CMYA5: variants seen among roughly 807,000 people sequenced by gnomAD.
CMYA5 encodes cardiomyopathy associated 5.
Under a neutral mutation model 318.9 loss-of-function variants are expected in CMYA5, and 246 were observed. The ratio of observed to expected loss-of-function variants is 0.77; its 90% CI spans 0.70 to 0.86. The LOEUF (loss-of-function observed/expected upper bound fraction) is 0.86. Ranked by LOEUF, CMYA5 falls within the 40% of genes least tolerant of loss-of-function variation. CMYA5 has a pLI of 0.00. For synonymous variants in CMYA5, 1,641 were observed against 1,729.5 expected, an observed-to-expected ratio of 0.95 and a Z score of 1.27; for missense variants, 4,589 against 4,678.2, an observed-to-expected ratio of 0.98 and a Z score of 0.56.
Position 79,734,024 on chromosome 5 carries a change from G to A in CMYA5, c.5259G>A (p.Glu1753=). 6.2e-7 allele frequency: 1 copy of A among 1,613,768 alleles called. No homozygotes were observed. The highest frequency in any genetic ancestry group is 8.5e-7 in the Non-Finnish European group (1 of 1,179,838). The change falls in exon 2 of 13, where the codon GAG becomes GAA. Residue 1753 remains glutamate (E), a synonymous_variant. Transcript: ENST00000446378. The part of the protein sequence containing the change: ...PFTFSLKGLS[E]EVSHPADFKK... ...CTTTTTCTTTAAAAGGATTATCAGA[G>A]GAGGTTAGCCATCCAGCCGACTTTA...
At chr5:79,776,120 C>T (rs1309065944) in intron 9 of CMYA5, among the ~76,000 whole-genome samples, 1 of 152,098 alleles carries the variant, frequency 6.6e-6, no homozygotes, top group African/African-American at 2.4e-5. Flanking sequence ...TGTTAGTTCA[C>T]ACCTGTAATC....
chr5:79,798,537 A>G (rs1339030597), intron 12 of CMYA5, among the ~76,000 whole-genome samples: 4 of 152,050 alleles, frequency 2.6e-5, no homozygotes, highest in Admixed American at 6.5e-5. Flanking sequence ...CAACCAAAAC[A>G]GCTTCATTAA....
chr5:79,788,673 A>T (rs1199579795), intron 9 of CMYA5, among the ~76,000 whole-genome samples: 1 of 152,162 alleles, frequency 6.6e-6, no homozygotes, highest in Non-Finnish European at 1.5e-5. Flanking sequence ...AAAGAAAATG[A>T]TATATTCTTG....
intron 1 of CMYA5, among the ~76,000 whole-genome samples, chr5:79,691,618 C>T (rs1283770365): frequency 6.6e-6 from 1 of 152,064 alleles, no homozygotes. Context: ...AAAAAGCATC[C>T]AATTTATTTT....
chr5:79,756,234 G>C (rs146393706), intron 6 of CMYA5, among the ~76,000 whole-genome samples: 2 of 152,260 alleles, frequency 1.3e-5, no homozygotes, highest in African/African-American at 4.8e-5. Flanking sequence ...CAGTTCCTGG[G>C]GAGGTGCTCT....
rs116378677 is a variant in CMYA5, at chr5:79,789,040, T to C, written c.11625T>C (p.Tyr3875=). 1.2e-3 allele frequency: 2,014 copies of C among 1,613,952 alleles called. 25 individuals are homozygous for C. The African/African-American group carries it at 0.023, about 19-fold the overall frequency. The stretch of plus-strand genomic sequence containing the variant: ...AACCCAATGATAACTACTTTTTCTA[T>C]GTGAGGGCCATCAATGCATTTGGGA... The part of the protein sequence containing the change: ...NLQPNDNYFF[Y]VRAINAFGTS... Residue 3875 remains tyrosine, a synonymous_variant, in exon 10 of 13, where the codon TAT becomes TAC. Transcript: ENST00000446378.
chr5:79,692,844 G>A (rs1826994107), intron 1 of CMYA5, among the ~76,000 whole-genome samples: 1 of 152,156 alleles, frequency 6.6e-6, no homozygotes, highest in Non-Finnish European at 1.5e-5. Context: ...TATAAATAAT[G>A]ATCCTATTTC....
At position 79,752,917 on chromosome 5, in the gene CMYA5, T is replaced by G. The variant is rs189741596; in HGVS notation, c.11110+123T>G. ...AGACATGTAACTGGAAAAAGAAAAG[T>G]ATTAGTTGTAAAATGTTACAGCTAG... On this transcript the variant is annotated intron_variant, in intron 6 of 12. Transcript: ENST00000446378. The G allele has an allele frequency of 5.7e-5, 36 of 628,048 alleles. No homozygotes were observed. The Admixed American group carries it at 9.3e-4, about 16-fold the overall frequency. The allele number at this position is 628,048 out of a possible 1,614,324, so 38.9% of individuals were successfully genotyped here.
chr5:79,731,920 C>T lies in CMYA5; in HGVS notation c.3155C>T (p.Thr1052Ile). The T allele has an allele frequency of 1.2e-6, 2 of 1,613,040 alleles. No homozygotes were observed. The highest frequency in any genetic ancestry group is 1.7e-6 in the Non-Finnish European group (2 of 1,179,578). The change falls in exon 2 of 13, where the codon ACA (threonine) becomes ATA (isoleucine). Residue 1052 changes from threonine to isoleucine, a missense_variant. Around this residue, in one of 3 missense-constraint regions of CMYA5, gnomAD observed 2,132 missense variants for 2,131.3 expected, o/e 1.00. Coordinates refer to ENST00000446378, the MANE Select transcript of CMYA5 (RefSeq NM_153610.5). ...DEEDIGSTAA[T>I]PVSEQFSSSQ... ...GAAGACATTGGATCCACAGCTGCTACACCTGTATCTGAGCAGTTCAGTTCA... is the reference window on the plus strand; with the variant it reads ...GAAGACATTGGATCCACAGCTGCTATACCTGTATCTGAGCAGTTCAGTTCA...
chr5:79,728,768 T>A, intron 1 of CMYA5, 147 bp from the exon 2 acceptor site: 1 of 324,186 alleles, frequency 3.1e-6, no homozygotes, highest in Non-Finnish European at 5.1e-6. Context: ...TTGATATACA[T>A]CCCTCTTTTT....
chr5:79,798,048 G>T (rs944831106), intron 12 of CMYA5, among the ~76,000 whole-genome samples: 5 of 151,938 alleles, frequency 3.3e-5, no homozygotes, highest in Non-Finnish European at 7.4e-5. Flanking sequence ...TAGTATTCTG[G>T]CATCTCTCTC....
In CMYA5 at chr5:79,763,164, C is replaced by T. The variant is rs1828687449; in HGVS notation, c.11510C>T (p.Thr3837Ile). 2 of 1,612,224 alleles carry T rather than the reference C, an allele frequency of 1.2e-6. No homozygotes were observed. Among genetic ancestry groups the T allele is most frequent in the Middle Eastern group, 1.6e-4 (1 of 6,062 alleles). The change falls in exon 9 of 13, where the codon ACT becomes ATT. Residue 3837 changes from threonine to isoleucine, a missense_variant. Thr to Ile is a moderately conservative substitution (Grantham distance 89, BLOSUM62 -1). This residue lies in a region of CMYA5 where 2,431 missense variants were observed against 2,495.1 expected (regional missense o/e 0.97). Coordinates refer to ENST00000446378, the MANE Select transcript of CMYA5 (RefSeq NM_153610.5). ...PTTPEATETYTLEYCRQHSPE... is the reference protein window; with the variant it reads ...PTTPEATETYILEYCRQHSPE... The stretch of plus-strand genomic sequence containing the variant: ...ACCCCAGAGGCCACGGAGACCTACA[C>T]TCTGGAGTACTGCAGACAGCACTCT...
chr5:79,797,144 G>T (rs554084657), intron 12 of CMYA5, among the ~76,000 whole-genome samples: 1 of 152,094 alleles, frequency 6.6e-6, no homozygotes, highest in Non-Finnish European at 1.5e-5. Context: ...TCTTTGGTTT[G>T]CACTTGCCCT....
At position 79,690,048 on chromosome 5, in the gene CMYA5, G is replaced by A. The variant is rs1826927477; in HGVS notation, c.141G>A (p.Pro47=). The A allele has an allele frequency of 1.4e-6, 2 of 1,452,848 alleles. No homozygotes were observed. The highest frequency in any genetic ancestry group is 2.8e-5 in the South Asian group (2 of 71,580). 90.0% of individuals were successfully genotyped at this position (1,452,848 alleles called of 1,614,324 possible). A position where few individuals can be genotyped will look rare whatever the true frequency, so the allele number is the denominator to read the frequency against. Residue 47 remains proline, a synonymous_variant, in exon 1 of 13, where the codon CCG becomes CCA. Coordinates refer to ENST00000446378, the MANE Select transcript of CMYA5 (RefSeq NM_153610.5). ...CGGCGGCGGAGTCGGAGGAGGAGCC[G>A]GACTCCAGGTAGCGCGAGCCTCTCT... ...DETAAESEEE[P]DSRLSDQDEE...
intron 9 of CMYA5, among the ~76,000 whole-genome samples, chr5:79,770,524 TC>T (rs1302366067): frequency 1.3e-5 from 2 of 152,156 alleles, no homozygotes; most frequent in Non-Finnish European, 2.9e-5. Flanking sequence ...CTTCATGGCT[TC>T]CCTTGGCTAA....
chr5:79,693,821 A>G (rs1827017164), intron 1 of CMYA5, among the ~76,000 whole-genome samples: 1 of 152,248 alleles, frequency 6.6e-6, no homozygotes, highest in South Asian at 2.1e-4. Flanking sequence ...TGCCCTGCTA[A>G]AACTCACTCC....
At chr5:79,766,628 A>G (rs1443485537) in intron 9 of CMYA5, among the ~76,000 whole-genome samples, 1 of 152,196 alleles carries the variant, frequency 6.6e-6, no homozygotes, top group Non-Finnish European at 1.5e-5. Flanking sequence ...CATATGTTGA[A>G]CCAGCCTTGC....
intron 5 of CMYA5, among the ~76,000 whole-genome samples, chr5:79,750,847 C>T (rs1323404963): frequency 8.5e-5 from 13 of 152,080 alleles, no homozygotes; most frequent in Admixed American, 7.2e-4. Context: ...GGAATAGGTT[C>T]GGTGCATAAG....
chr5:79,791,677 G>T (rs1270093444), intron 11 of CMYA5, among the ~76,000 whole-genome samples: 1 of 144,588 alleles, frequency 6.9e-6, no homozygotes. Flanking sequence ...CTGAGATTGT[G>T]CCATTGCACT....
Sources: allele counts gnomAD v4.1 joint callset (sites outside exome capture counted in the v4.1 genomes callset), GRCh38; gene constraint gnomAD v4.1.1; regional missense constraint gnomAD v4.1.1; transcripts MANE v1.5; gene names NCBI Gene and HGNC (gene_info 2026-07-23, HGNC 2026-07-21).